SGSM3: variants seen among roughly 807,000 people sequenced by gnomAD.
SGSM3 encodes the protein RUN and SH3 containing 3.
In SGSM3, 96 loss-of-function variants were observed where a neutral mutation model predicts 100.5. The ratio of observed to expected loss-of-function variants is 0.96; its 90% CI spans 0.81 to 1.13. The LOEUF is 1.13. Ranked by LOEUF, SGSM3 falls within the 50% of genes most tolerant of loss-of-function variation. The pLI is 0.00. For synonymous variants in SGSM3, 483 were observed against 422.8 expected (o/e 1.14, Z -1.75); for missense variants, 1,001 against 1,015.8 (o/e 0.99, Z 0.20).
At chr22:40,383,192 G>A (rs1046823285) in intron 1 of SGSM3, among the ~76,000 whole-genome samples, 24 of 152,112 alleles carry the variant, frequency 1.6e-4, no homozygotes, top group African/African-American at 5.8e-4. Context: ...GAACGGCCGG[G>A]TGCAGTGGCT....
chr22:40,391,985 C>G (rs2049410655), intron 1 of SGSM3, among the ~76,000 whole-genome samples: 1 of 152,160 alleles, frequency 6.6e-6, no homozygotes, highest in African/African-American at 2.4e-5. Flanking sequence ...TTTTTTCCCC[C>G]TTAGAGCCTG....
chr22:40,402,216 GC>G lies in SGSM3; in HGVS notation c.157+15del, dbSNP rs755584411. 10 of 1,609,078 alleles carry G rather than the reference GC, an allele frequency of 6.2e-6. No homozygotes were observed. Among genetic ancestry groups the G allele is most frequent in the Non-Finnish European group, 8.5e-6 (10 of 1,175,464 alleles). On this transcript the variant is annotated intron_variant, in intron 4 of 21. Coordinates refer to ENST00000248929, the MANE Select transcript of SGSM3 (RefSeq NM_015705.6). ...GTGTGTACAAGGAAGGTAAACTTGA[GC>G]CCCTTTTGTGTGTCATCTTGCTGAT...
intron 1 of SGSM3, among the ~76,000 whole-genome samples, chr22:40,377,002 C>A (rs2046741407): frequency 6.6e-6 from 1 of 152,206 alleles, no homozygotes; most frequent in Admixed American, 6.5e-5. Flanking sequence ...CATTTGGTCA[C>A]TTTCCCAGTC....
At chr22:40,406,291 C>G in intron 9 of SGSM3, 68 bp downstream of exon 9, 1 of 1,592,920 alleles carries the variant, frequency 6.3e-7, no homozygotes, top group South Asian at 1.1e-5. Context: ...AGCAAGAGAC[C>G]TCCCTGGGCC....
At chr22:40,406,288 G>T in intron 9 of SGSM3, 65 bp downstream of exon 9, 1 of 1,597,708 alleles carries the variant, frequency 6.3e-7, no homozygotes. Context: ...GGGAGCAAGA[G>T]ACCTCCCTGG....
chr22:40,374,363 G>A (rs368818151), intron 1 of SGSM3, among the ~76,000 whole-genome samples: 6 of 152,210 alleles, frequency 3.9e-5, no homozygotes, highest in African/African-American at 1.2e-4. Context: ...GTAGTGTCAA[G>A]ACTGCGTGCT....
intron 1 of SGSM3, among the ~76,000 whole-genome samples, chr22:40,391,664 T>G (rs2146893325): frequency 6.6e-6 from 1 of 152,000 alleles, no homozygotes. Context: ...AAAAGAAGAG[T>G]CCAGAGCTTC....
intron 1 of SGSM3, among the ~76,000 whole-genome samples, chr22:40,393,951 TACTC>T (rs2049713506): frequency 6.6e-6 from 1 of 152,210 alleles, no homozygotes; most frequent in Non-Finnish European, 1.5e-5. Context: ...TTTCTAGAAA[TACTC>T]ACTTCTGTTG....
At chr22:40,373,150 A>G (rs137899556) in intron 1 of SGSM3, among the ~76,000 whole-genome samples, 64 of 152,308 alleles carry the variant, frequency 4.2e-4, no homozygotes, top group African/African-American at 1.5e-3. Context: ...ACCAGACACT[A>G]GTTGTCACAG....
At chr22:40,398,512 C>G (rs2050334497) in intron 1 of SGSM3, among the ~76,000 whole-genome samples, 1 of 141,336 alleles carries the variant, frequency 7.1e-6, no homozygotes, top group Non-Finnish European at 1.5e-5. Context: ...CTCTGTCACA[C>G]TTTTACTCTG....
At chr22:40,388,526 A>C (rs1236474942) in intron 1 of SGSM3, among the ~76,000 whole-genome samples, 1 of 152,226 alleles carries the variant, frequency 6.6e-6, no homozygotes, top group Admixed American at 6.5e-5. Context: ...GCAGGGTCTT[A>C]TAAATCAAGT....
chr22:40,371,946 G>A lies in SGSM3; in HGVS notation c.-112+1258G>A, dbSNP rs200753811. On this transcript the variant is annotated intron_variant, in intron 1 of 21. Coordinates refer to ENST00000248929, the MANE Select transcript of SGSM3 (RefSeq NM_015705.6). ...ACTCCTGACCACAGGTGATCCGCCCGTCTCGGGCCTCCCAAAGTGCTGGGA... is the reference window on the plus strand; with the variant it reads ...ACTCCTGACCACAGGTGATCCGCCCATCTCGGGCCTCCCAAAGTGCTGGGA... Among the ~76,000 whole-genome samples the A allele has an allele frequency of 1.8e-4, 27 of 152,100 alleles. No homozygotes were observed. In the East Asian group the frequency reaches 5.0e-3, roughly 28 times the overall value.
chr22:40,401,631 A>T lies in SGSM3; in HGVS notation c.46A>T (p.Thr16Ser), dbSNP rs751750839. The T allele has an allele frequency of 1.2e-6, 2 of 1,613,260 alleles. No individual in the cohort carries two copies. Among genetic ancestry groups the T allele is most frequent in the Non-Finnish European group, 1.7e-6 (2 of 1,179,528 alleles). The change falls in exon 3 of 22, where the codon ACT becomes TCT. Residue 16 changes from threonine to serine, a missense_variant. Thr to Ser is a moderately conservative substitution (Grantham distance 58). Transcript: ENST00000248929. Reference protein sequence around the residue: ...TPACGPFSALTPSIWPQEILA... With the variant: ...TPACGPFSALSPSIWPQEILA... ...TGCCTGTGGCCCTTTCTCAGCCCTG[A>T]CTCCGAGCATATGGCCCCAGGAGAT... is the stretch of plus-strand genomic sequence containing the variant.
intron 1 of SGSM3, chr22:40,387,219 G>T (rs757783279): frequency 7.5e-6 from 3 of 398,272 alleles, no homozygotes; most frequent in Non-Finnish European, 1.3e-5. Flanking sequence ...TCTTTCATAG[G>T]TTTCCTTCTG....
rs555745849 is a variant in SGSM3 at position 40,409,863 on chromosome 22, C to T, written c.*104C>T. 39 of 1,480,018 alleles carry T rather than the reference C, an allele frequency of 2.6e-5. No homozygotes were observed. Among genetic ancestry groups the T allele is most frequent in the Non-Finnish European group, 3.1e-5 (35 of 1,123,226 alleles). The allele number at this position is 1,480,018 out of a possible 1,614,324, so 91.7% of individuals were successfully genotyped here. Reference sequence around the variant, plus strand: ...AGCTCCAGAGCCCTGGCCGGGGCCGCGGGATATCAATATCAGGCTGCCCCA... The same window carrying T: ...AGCTCCAGAGCCCTGGCCGGGGCCGTGGGATATCAATATCAGGCTGCCCCA... On this transcript the variant is annotated 3_prime_UTR_variant, in exon 22 of 22. Coordinates refer to ENST00000248929, the MANE Select transcript of SGSM3 (RefSeq NM_015705.6).
intron 1 of SGSM3, among the ~76,000 whole-genome samples, chr22:40,384,532 G>A (rs1471864177): frequency 1.3e-5 from 2 of 152,196 alleles, no homozygotes; most frequent in East Asian, 3.9e-4. Flanking sequence ...TGTAATCCCA[G>A]CACTTTGGAA....
chr22:40,397,972 T>C (rs1477418308), intron 1 of SGSM3, among the ~76,000 whole-genome samples: 1 of 144,682 alleles, frequency 6.9e-6, no homozygotes, highest in Non-Finnish European at 1.5e-5. Context: ...TTCTGTCTTT[T>C]TTTTTTTTTT....
chr22:40,371,291 T>C (rs977465215), intron 1 of SGSM3, among the ~76,000 whole-genome samples: 2 of 152,252 alleles, frequency 1.3e-5, no homozygotes, highest in African/African-American at 2.4e-5. Context: ...TGACCTAGGC[T>C]CTTTTTTATT....
intron 1 of SGSM3, among the ~76,000 whole-genome samples, chr22:40,385,676 G>A (rs557397167): frequency 2.0e-5 from 3 of 152,326 alleles, no homozygotes; most frequent in African/African-American, 7.2e-5. Context: ...TGGCAGCAGA[G>A]AGTAGTTGGG....
Sources: allele counts gnomAD v4.1 joint callset (sites outside exome capture counted in the v4.1 genomes callset), GRCh38; gene constraint gnomAD v4.1.1; transcripts MANE v1.5; gene names NCBI Gene and HGNC (gene_info 2026-07-23, HGNC 2026-07-21).